The following RASAL2 variants were observed in gnomAD, a reference collection of about 807,000 sequenced individuals.
The protein encoded by RASAL2 is RAS protein activator like 2.
In RASAL2, 58 loss-of-function variants were observed where a neutral mutation model predicts 128.9. The ratio of observed to expected loss-of-function variants is 0.45; its 90% CI spans 0.36 to 0.56. The LOEUF (loss-of-function observed/expected upper bound fraction) is 0.56. Ranked by LOEUF, RASAL2 falls within the 20% of genes least tolerant of loss-of-function variation. RASAL2 has a pLI of 0.00. For missense variants in RASAL2, 1,360 were observed against 1,601.6 expected, an observed-to-expected ratio of 0.85 and a Z score of 2.57; for synonymous variants, 561 against 580.8, an observed-to-expected ratio of 0.97 and a Z score of 0.49.
At chr1:178,215,535 A>G (rs1251851991) in intron 1 of RASAL2, among the ~76,000 whole-genome samples, 2 of 152,212 alleles carry the variant, frequency 1.3e-5, no homozygotes, top group Non-Finnish European at 2.9e-5. Context: ...TATACCAGCT[A>G]GTATTACTTA....
intron 3 of RASAL2, among the ~76,000 whole-genome samples, chr1:178,373,059 A>G (rs72707018): frequency 0.066 from 10,055 of 151,876 alleles, 457 homozygotes; most frequent in Middle Eastern, 0.14. Context: ...TTTATCTTCT[A>G]TTTTCCTAGA....
At chr1:178,381,272 G>A (rs547382025) in intron 3 of RASAL2, among the ~76,000 whole-genome samples, 1 of 152,308 alleles carries the variant, frequency 6.6e-6, no homozygotes, top group East Asian at 1.9e-4. Flanking sequence ...TAAGCAGGGA[G>A]AGACTGGAGT....
chr1:178,242,143 C>A (rs950117845), intron 1 of RASAL2, among the ~76,000 whole-genome samples: 1 of 152,168 alleles, frequency 6.6e-6, no homozygotes, highest in Non-Finnish European at 1.5e-5. Context: ...TTTTACTACT[C>A]TGAGTAAATG....
chr1:178,196,312 A>C (rs1022133082), intron 1 of RASAL2, among the ~76,000 whole-genome samples: 2 of 152,200 alleles, frequency 1.3e-5, no homozygotes, highest in Middle Eastern at 3.2e-3. Context: ...GAAAGGGAAA[A>C]GTCAAGGTAC....
In RASAL2 at chr1:178,441,647, G is replaced by T; in HGVS notation, c.927G>T (p.Lys309Asn). Residue 309 changes from lysine (K) to asparagine (N), a missense_variant and splice_region_variant, in exon 7 of 18, where the codon AAG becomes AAT. By Grantham distance (94) the Lys-to-Asn change is moderately conservative. This residue lies in a region of RASAL2 where 617 missense variants were observed against 714.2 expected (regional missense o/e 0.86). Coordinates refer to ENST00000367649, the MANE Select transcript of RASAL2 (RefSeq NM_170692.4). ...ENLRRTVQPNKDNCRRAENVL... is the reference protein window; with the variant it reads ...ENLRRTVQPNNDNCRRAENVL... Reference sequence around the variant, plus strand: ...TTCGCAGGACAGTTCAACCTAATAAGGTAATAGTAGCTTCAAGTATCTAAA... The same window carrying T: ...TTCGCAGGACAGTTCAACCTAATAATGTAATAGTAGCTTCAAGTATCTAAA... The T allele has an allele frequency of 6.2e-7, 1 of 1,604,720 alleles. No individual in the cohort carries two copies. The highest frequency in any genetic ancestry group is 1.1e-5 in the South Asian group (1 of 90,736).
At chr1:178,385,440 AAAGAAAAGCATT>A (rs1672509782) in intron 3 of RASAL2, among the ~76,000 whole-genome samples, 1 of 152,150 alleles carries the variant, frequency 6.6e-6, no homozygotes, top group Non-Finnish European at 1.5e-5. Context: ...AAAGAAAGAA[AAAGAAAAGCATT>A]AAGAAATACC....
chr1:178,471,721 C>G (rs1648289578), intron 17 of RASAL2, among the ~76,000 whole-genome samples: 1 of 152,088 alleles, frequency 6.6e-6, no homozygotes, highest in South Asian at 2.1e-4. Context: ...GGAAGTATTA[C>G]TTGATGCCAT....
intron 1 of RASAL2, among the ~76,000 whole-genome samples, chr1:178,260,331 G>A (rs1196017290): frequency 1.3e-4 from 12 of 92,608 alleles, no homozygotes; most frequent in Middle Eastern, 9.1e-3. Flanking sequence ...CAGCCTGGGC[G>A]ACAGAGCGAG....
At chr1:178,159,878 C>T (rs942098809) in intron 1 of RASAL2, among the ~76,000 whole-genome samples, 6 of 152,040 alleles carry the variant, frequency 3.9e-5, no homozygotes, top group African/African-American at 1.4e-4. Context: ...TCACTCCTGC[C>T]TGGGCGACAG....
At chr1:178,151,875 C>A (rs1027268333) in intron 1 of RASAL2, among the ~76,000 whole-genome samples, 9 of 152,206 alleles carry the variant, frequency 5.9e-5, no homozygotes, top group African/African-American at 2.2e-4. Context: ...CTGTATAGTC[C>A]TGTGGAAAGG....
chr1:178,373,243 C>G (rs1671809090), intron 3 of RASAL2, among the ~76,000 whole-genome samples: 1 of 102,876 alleles, frequency 9.7e-6, no homozygotes, highest in Non-Finnish European at 2.0e-5. Context: ...TCTTTCAATT[C>G]TGTTGTCAAT....
At chr1:178,142,614 G>A (rs1425480237) in intron 1 of RASAL2, among the ~76,000 whole-genome samples, 1 of 152,098 alleles carries the variant, frequency 6.6e-6, no homozygotes, top group African/African-American at 2.4e-5. Context: ...AGCTTTTTTA[G>A]ATGTTGTTTG....
At chr1:178,126,935 G>A (rs533084198) in intron 1 of RASAL2, among the ~76,000 whole-genome samples, 1 of 152,290 alleles carries the variant, frequency 6.6e-6, no homozygotes, top group African/African-American at 2.4e-5. Context: ...TTTGAGGCTT[G>A]GCCTTCAGCA....
At chr1:178,097,574 A>G (rs1658739178) in intron 1 of RASAL2, among the ~76,000 whole-genome samples, 1 of 152,196 alleles carries the variant, frequency 6.6e-6, no homozygotes, top group Non-Finnish European at 1.5e-5. Context: ...GCTTAGGTCT[A>G]GTTCATCCAG....
intron 3 of RASAL2, among the ~76,000 whole-genome samples, chr1:178,326,138 TAATA>T (rs1249582194): frequency 1.3e-5 from 2 of 152,070 alleles, no homozygotes; most frequent in Non-Finnish European, 2.9e-5. Context: ...AGAAATGAAT[TAATA>T]AATAAATAAG....
intron 1 of RASAL2, among the ~76,000 whole-genome samples, chr1:178,135,916 C>G (rs1660308384): frequency 6.6e-6 from 1 of 152,092 alleles, no homozygotes; most frequent in Non-Finnish European, 1.5e-5. Flanking sequence ...GAAACTGCCC[C>G]CATGATTCAG....
chr1:178,392,371 G>T (rs1369625128), intron 4 of RASAL2, among the ~76,000 whole-genome samples: 2 of 152,154 alleles, frequency 1.3e-5, no homozygotes, highest in Admixed American at 1.3e-4. Flanking sequence ...TGGGATGACT[G>T]ATGCTTCCAG....
chr1:178,399,311 C>T (rs1302601492), intron 4 of RASAL2, among the ~76,000 whole-genome samples: 1 of 151,966 alleles, frequency 6.6e-6, no homozygotes, highest in African/African-American at 2.4e-5. Flanking sequence ...AGTCCTTGCC[C>T]CTGCCTGTCA....
At chr1:178,383,450 A>G (rs1672390729) in intron 3 of RASAL2, among the ~76,000 whole-genome samples, 1 of 152,224 alleles carries the variant, frequency 6.6e-6, no homozygotes, top group Non-Finnish European at 1.5e-5. Flanking sequence ...TAGCAGCCGT[A>G]TAAATGCAGT....
Sources: gnomAD v4.1 joint callset for allele counts (sites outside exome capture counted in the v4.1 genomes callset) on GRCh38, gnomAD v4.1.1 for gene constraint, gnomAD v4.1.1 regional missense constraint, MANE v1.5 for transcripts, NCBI Gene and HGNC (gene_info 2026-07-23, HGNC 2026-07-21) for gene names.